Variants in SVIL observed in about 807,000 individuals in gnomAD.
SVIL encodes the protein archvillin.
A neutral mutation model predicts 240.4 loss-of-function variants in SVIL; 101 were observed. That is an observed-to-expected ratio of 0.42 (90% CI 0.36 to 0.50). The LOEUF (loss-of-function observed/expected upper bound fraction) is 0.50. Among genes scored for constraint, SVIL ranks in the 20% least tolerant of loss-of-function variants. The probability of loss-of-function intolerance (pLI) is 0.01; values close to 1 mark genes in which losing one functional copy is unlikely to be tolerated. For missense variants in SVIL, 2,512 were observed against 2,818.7 expected (o/e 0.89, Z 2.46); for synonymous variants, 999 against 1,100.0 (o/e 0.91, Z 1.82).
chr10:29,572,400 CA>C (rs1422203618), intron 1 of SVIL, among the ~76,000 whole-genome samples: 12 of 151,320 alleles, frequency 7.9e-5, no homozygotes, highest in African/African-American at 1.9e-4. Flanking sequence ...TAATTAGCAA[CA>C]AAAAGAAAAA....
rs1279814705 is a variant in SVIL at position 29,493,386 on chromosome 10, C to T, written c.3847G>A (p.Gly1283Arg). 11 of 1,613,834 alleles carry T rather than the reference C, an allele frequency of 6.8e-6. No individual in the cohort carries two copies. Among genetic ancestry groups the T allele is most frequent in the Admixed American group, 5.0e-5 (3 of 59,986 alleles). ...ACAGTGAGCACCGTTTCGTGCATCC[C>T]GCCAACTATCAACAAACAAGCAAAA... The part of the protein sequence containing the change: ...FLRRLNNKVG[G>R]MHETVLTVTG... The change falls in exon 21 of 38, where the codon GGG becomes AGG. Residue 1283 changes from glycine to arginine, a missense_variant. By Grantham distance (125) the Gly-to-Arg change is moderately radical. This residue lies in a region of SVIL where 272 missense variants were observed against 406.8 expected (regional missense o/e 0.67). Transcript: ENST00000355867.
intron 1 of SVIL, among the ~76,000 whole-genome samples, chr10:29,617,468 C>T (rs991603427): frequency 6.6e-6 from 1 of 151,746 alleles, no homozygotes; most frequent in African/African-American, 2.4e-5. Flanking sequence ...GTAGTCCCAG[C>T]TACTTGGGAG....
Position 29,457,445 on chromosome 10 carries a change from A to ATGTT in SVIL, c.*798_*801dup, listed in dbSNP as rs1943701784. 1 of 152,524 alleles carries ATGTT rather than the reference A, an allele frequency of 6.6e-6. No individual in the cohort carries two copies. The highest frequency in any genetic ancestry group is 2.4e-5 in the African/African-American group (1 of 41,422). The allele number at this position is 152,524 out of a possible 1,614,324, so 9.4% of individuals were successfully genotyped here. A position where few individuals can be genotyped will look rare whatever the true frequency, so the allele number is the denominator to read the frequency against. ...TTTACAACCGGTATTAGAAATTGAG[A>ATGTT]TGTTTTTATTTTGACTATTTGAGAG... On this transcript the variant is annotated 3_prime_UTR_variant, in exon 38 of 38. Coordinates refer to ENST00000355867, the MANE Select transcript of SVIL (RefSeq NM_021738.3).
intron 1 of SVIL, among the ~76,000 whole-genome samples, chr10:29,629,591 G>A (rs1487904487): frequency 1.3e-5 from 2 of 150,064 alleles, no homozygotes; most frequent in African/African-American, 2.4e-5. Context: ...TTGGGCACAT[G>A]GTATGTGCCC....
At chr10:29,543,533 G>T (rs1024004633) in intron 6 of SVIL, among the ~76,000 whole-genome samples, 3 of 152,088 alleles carry the variant, frequency 2.0e-5, no homozygotes, top group Admixed American at 6.5e-5. Flanking sequence ...TTGAACTTGT[G>T]CACTGATTTT....
chr10:29,721,257 C>CAAAA (rs77401405), intron 1 of SVIL, among the ~76,000 whole-genome samples: 1 of 150,018 alleles, frequency 6.7e-6, no homozygotes, highest in African/African-American at 2.4e-5. Context: ...AACAAACAAA[C>CAAAA]AAAAAAACAC....
rs376864552 is a variant in SVIL, at chr10:29,480,526, C to T, written c.5377+11G>A. Reference sequence around the variant, plus strand: ...TCTTTCAGCTGGAAAAAACCACAAGCGCTCACTAACCTGCCGTGCTCACCA... The same window carrying T: ...TCTTTCAGCTGGAAAAAACCACAAGTGCTCACTAACCTGCCGTGCTCACCA... On this transcript the variant is annotated intron_variant, in intron 29 of 37. Transcript: ENST00000355867. 2.3e-5 allele frequency: 37 copies of T among 1,609,224 alleles called. No homozygotes were observed. The highest frequency in any genetic ancestry group is 1.1e-4 in the East Asian group (5 of 44,804).
intron 2 of SVIL, among the ~76,000 whole-genome samples, chr10:29,671,678 A>C (rs1399375711): frequency 6.6e-6 from 1 of 152,220 alleles, no homozygotes; most frequent in African/African-American, 2.4e-5. Flanking sequence ...CTCCTAGGTC[A>C]TCCATTCAGA....
At chr10:29,671,900 A>T (rs1022875877) in intron 2 of SVIL, among the ~76,000 whole-genome samples, 6 of 152,332 alleles carry the variant, frequency 3.9e-5, no homozygotes, top group Non-Finnish European at 5.9e-5. Flanking sequence ...AATCCTTATG[A>T]TGTAAAATGC....
At chr10:29,684,178 C>T (rs891065030) in intron 2 of SVIL, among the ~76,000 whole-genome samples, 3 of 152,282 alleles carry the variant, frequency 2.0e-5, no homozygotes, top group South Asian at 4.1e-4. Flanking sequence ...CAGGGAGGCT[C>T]TTCTGCAGCA....
chr10:29,548,997 A>G (rs1276276949), intron 6 of SVIL, among the ~76,000 whole-genome samples: 1 of 152,128 alleles, frequency 6.6e-6, no homozygotes, highest in Non-Finnish European at 1.5e-5. Flanking sequence ...AATGGCAACA[A>G]AAGCCAAAAT....
rs114611971 is a variant in SVIL, at chr10:29,677,605, T to C, written c.-301+8948A>G. 2.4e-3 allele frequency among the ~76,000 whole-genome samples: 368 copies of C among 152,238 alleles called. 3 individuals are homozygous for C. The highest frequency in any genetic ancestry group is 7.0e-3 in the African/African-American group (290 of 41,538). ...TGCTCAGCTAATTTTTATTTTTTTATAGAAACAGGTCTCACTATATTGCCT... is the reference window on the plus strand; with the variant it reads ...TGCTCAGCTAATTTTTATTTTTTTACAGAAACAGGTCTCACTATATTGCCT... On this transcript the variant is annotated intron_variant, in intron 2 of 35. Transcript: ENST00000375400.
At chr10:29,527,098 G>C (rs1481502545) in intron 12 of SVIL, 42 bp from the exon 13 acceptor site, 1 of 1,543,018 alleles carries the variant, frequency 6.5e-7, no homozygotes, top group Non-Finnish European at 8.9e-7. Context: ...CATAAGGAGA[G>C]AGAAGAAAAG....
At chr10:29,701,505 T>C (rs542184609) in intron 1 of SVIL, among the ~76,000 whole-genome samples, 3 of 152,322 alleles carry the variant, frequency 2.0e-5, no homozygotes, top group African/African-American at 7.2e-5. Context: ...GAGTTGCCTA[T>C]GATTTCATTC....
rs949851079 is a variant in SVIL at position 29,493,406 on chromosome 10, G to A, written c.3842-15C>T. 6.2e-7 allele frequency: 1 copy of A among 1,613,242 alleles called. No homozygotes were observed. The highest frequency in any genetic ancestry group is 1.3e-5 in the African/African-American group (1 of 74,860). ...CATCCCGCCAACTATCAACAAACAA[G>A]CAAAAGACATAAGAGTTTTATAAAA... On this transcript the variant is annotated splice_polypyrimidine_tract_variant and intron_variant, in intron 20 of 37. Coordinates refer to ENST00000355867, the MANE Select transcript of SVIL (RefSeq NM_021738.3).
intron 1 of SVIL, among the ~76,000 whole-genome samples, chr10:29,709,012 C>A (rs1589555737): frequency 3.3e-5 from 5 of 151,834 alleles, no homozygotes; most frequent in Admixed American, 1.3e-4. Flanking sequence ...AATAAAAACA[C>A]AAAAAATTGA....
chr10:29,541,656 G>A (rs1008282395), intron 6 of SVIL, among the ~76,000 whole-genome samples: 2 of 152,056 alleles, frequency 1.3e-5, no homozygotes, highest in African/African-American at 4.8e-5. Flanking sequence ...AAGCACAATT[G>A]TCAGAAAATG....
intron 2 of SVIL, among the ~76,000 whole-genome samples, chr10:29,668,083 G>A (rs147042574): frequency 1.3e-5 from 2 of 152,012 alleles, no homozygotes; most frequent in African/African-American, 2.4e-5. Flanking sequence ...TTTACAGGAC[G>A]ACTATTAATA....
intron 1 of SVIL, among the ~76,000 whole-genome samples, chr10:29,579,281 C>A (rs533689602): frequency 4.3e-4 from 65 of 151,896 alleles, no homozygotes; most frequent in African/African-American, 1.5e-3. Flanking sequence ...ACTAAAAATA[C>A]AAAAAAATTA....
Sources: gnomAD v4.1 joint callset for allele counts (sites outside exome capture counted in the v4.1 genomes callset) on GRCh38, gnomAD v4.1.1 for gene constraint, gnomAD v4.1.1 regional missense constraint, MANE v1.5 for transcripts, NCBI Gene and HGNC (gene_info 2026-07-23, HGNC 2026-07-21) for gene names.